MYO5B: variants seen among roughly 807,000 people sequenced by gnomAD.
MYO5B encodes unconventional myosin-Vb.
Under a neutral mutation model 229.3 loss-of-function variants are expected in MYO5B, and 143 were observed. The observed-to-expected ratio is 0.62, with a 90% CI of 0.54 to 0.72. MYO5B has a LOEUF of 0.72. MYO5B is among the 30% of genes least tolerant of loss of function. The pLI, the probability that MYO5B is intolerant of heterozygous loss-of-function variation, is 0.00. For synonymous variants in MYO5B, 918 were observed against 885.2 expected, an observed-to-expected ratio of 1.04 and a Z score of -0.66; for missense variants, 2,321 against 2,331.0, an observed-to-expected ratio of 1.00 and a Z score of 0.09.
chr18:49,965,437 A>G (rs1354098262), intron 10 of MYO5B, among the ~76,000 whole-genome samples: 1 of 142,880 alleles, frequency 7.0e-6, no homozygotes, highest in Non-Finnish European at 1.5e-5. Flanking sequence ...ACTTCTTTTC[A>G]TACAAACACA....
At chr18:49,843,472 A>C (rs1255607565) in intron 33 of MYO5B, 80 bp from the exon 34 acceptor site, 2 of 1,518,260 alleles carry the variant, frequency 1.3e-6, no homozygotes, top group African/African-American at 1.4e-5. Flanking sequence ...ATCTGAATAG[A>C]CGTGTTTTCA....
At chr18:50,165,448 C>A (rs1169794581) in intron 1 of MYO5B, among the ~76,000 whole-genome samples, 3 of 151,516 alleles carry the variant, frequency 2.0e-5, no homozygotes, top group African/African-American at 7.3e-5. Flanking sequence ...CCACTGCATT[C>A]CAGCCTGGGC....
chr18:50,007,479 C>A (rs76622186), intron 4 of MYO5B, among the ~76,000 whole-genome samples: 5,259 of 152,248 alleles, frequency 0.035, 126 homozygotes, highest in African/African-American at 0.061. Context: ...AAATGAACAT[C>A]GGACCATTCT....
At chr18:50,111,592 A>T (rs79333957) in intron 1 of MYO5B, among the ~76,000 whole-genome samples, 5,776 of 152,274 alleles carry the variant, frequency 0.038, 365 homozygotes, top group African/African-American at 0.13. Context: ...ATCTTCCTTA[A>T]GGGGTCAGTC....
At chr18:49,877,678 T>C in intron 25 of MYO5B, 85 bp downstream of exon 25, 1 of 1,583,870 alleles carries the variant, frequency 6.3e-7, no homozygotes, top group East Asian at 2.2e-5. Flanking sequence ...AGCAGAAGAG[T>C]AAATTTCTCT....
Position 49,864,180 on chromosome 18 carries a change from G to T in MYO5B, c.3804C>A (p.Ile1268=), listed in dbSNP as rs751424284. ...KEEVLILRTQ[I]VSADQRRLAG... The stretch of plus-strand genomic sequence containing the variant: ...CGAGTCGCCGCTGGTCGGCGCTCAC[G>T]ATCTGGGTCCTGAGGATGAGCACCT... The change falls in exon 28 of 40, where the codon ATC becomes ATA. Residue 1268 remains isoleucine, a synonymous_variant. Transcript: ENST00000285039. 6.2e-6 allele frequency: 10 copies of T among 1,612,298 alleles called. No individual in the cohort carries two copies. In the South Asian group the frequency reaches 9.9e-5, roughly 16 times the overall value.
chr18:50,175,838 G>C (rs1216522251), intron 1 of MYO5B, among the ~76,000 whole-genome samples: 1 of 152,246 alleles, frequency 6.6e-6, no homozygotes, highest in African/African-American at 2.4e-5. Flanking sequence ...TTCCACCACG[G>C]AGGGGTTGAG....
At chr18:50,052,909 G>T (rs1385761914) in intron 2 of MYO5B, among the ~76,000 whole-genome samples, 1 of 152,124 alleles carries the variant, frequency 6.6e-6, no homozygotes, top group Non-Finnish European at 1.5e-5. Context: ...TTGTCTTCCT[G>T]GAAGATAATC....
At chr18:50,185,848 T>C (rs968260013) in intron 1 of MYO5B, among the ~76,000 whole-genome samples, 12 of 112,196 alleles carry the variant, frequency 1.1e-4, no homozygotes, top group African/African-American at 3.9e-4. Flanking sequence ...ATGGCAAAAT[T>C]GCCTTTGTAG....
chr18:50,148,269 G>A (rs2032537607), intron 1 of MYO5B, among the ~76,000 whole-genome samples: 1 of 149,838 alleles, frequency 6.7e-6, no homozygotes, highest in East Asian at 2.0e-4. Context: ...GGAGGAACTG[G>A]TACCATTCCT....
intron 12 of MYO5B, among the ~76,000 whole-genome samples, chr18:49,959,049 C>A (rs758120847): frequency 6.6e-6 from 1 of 152,176 alleles, no homozygotes; most frequent in Non-Finnish European, 1.5e-5. Flanking sequence ...CCCTACTTTC[C>A]AACCTTACCT....
rs149270891 is a variant in MYO5B at position 49,929,748 on chromosome 18, C to G, written c.2004-150G>C. 5,298 of 736,766 alleles carry G rather than the reference C, an allele frequency of 7.2e-3. 38 individuals are homozygous for G. Among genetic ancestry groups the G allele is most frequent in the Middle Eastern group, 0.011 (33 of 2,936 alleles). The allele number at this position is 736,766 out of a possible 1,614,324, so 45.6% of individuals were successfully genotyped here. On this transcript the variant is annotated intron_variant, in intron 16 of 39. Coordinates refer to ENST00000285039, the MANE Select transcript of MYO5B (RefSeq NM_001080467.3). ...CACTGAGTTACCCTTGAGCTCAAGT[C>G]AGGGATTAGGCATAGACTAAAAGAC...
intron 20 of MYO5B, 45 bp from the exon 21 acceptor site, chr18:49,902,878 G>A: frequency 6.3e-7 from 1 of 1,592,686 alleles, no homozygotes; most frequent in Non-Finnish European, 8.5e-7. Context: ...TGCACTGCAG[G>A]ACAGGAGTGA....
chr18:50,063,578 GA>G (rs1398134359), intron 1 of MYO5B, among the ~76,000 whole-genome samples: 1 of 152,098 alleles, frequency 6.6e-6, no homozygotes, highest in Admixed American at 6.6e-5. Context: ...GGGGAGAGGA[GA>G]AAAAAGCAGA....
intron 8 of MYO5B, among the ~76,000 whole-genome samples, chr18:49,982,030 C>T (rs889744528): frequency 3.9e-5 from 6 of 152,110 alleles, no homozygotes; most frequent in African/African-American, 1.4e-4. Flanking sequence ...GTGCTGGTAC[C>T]ATCACGGAAC....
At chr18:49,891,624 C>A (rs2024715751) in intron 22 of MYO5B, among the ~76,000 whole-genome samples, 2 of 152,310 alleles carry the variant, frequency 1.3e-5, no homozygotes, top group South Asian at 4.1e-4. Flanking sequence ...AATCCTCAGC[C>A]TCCACATGAA....
At chr18:50,188,267 A>G (rs1387198868) in intron 1 of MYO5B, among the ~76,000 whole-genome samples, 1 of 152,054 alleles carries the variant, frequency 6.6e-6, no homozygotes, top group Non-Finnish European at 1.5e-5. Flanking sequence ...TTCAAATCCT[A>G]TTCATTCTTT....
intron 2 of MYO5B, among the ~76,000 whole-genome samples, chr18:50,043,492 TATATATAAATATAAATATATTTATAA>T (rs1568083490): frequency 5.6e-5 from 5 of 89,838 alleles, no homozygotes; most frequent in African/African-American, 1.3e-4. Flanking sequence ...AATATATTTT[TATATATAAATATAAATATATTTATAA>T]GTATATAAAT....
In MYO5B at chr18:49,879,004, C is replaced by A; in HGVS notation, c.3217G>T (p.Glu1073Ter). The A allele has an allele frequency of 6.2e-7, 1 of 1,613,946 alleles. No individual in the cohort carries two copies. The highest frequency in any genetic ancestry group is 1.1e-5 in the South Asian group (1 of 91,054). ...ERSRYQNLVK[E>*]YSQLEQRYDN... is the part of the protein sequence containing the mutation. ...TATCTCTGCTCCAACTGTGAATATT[C>A]CTTCACAAGGTTCTGGTACCGGGAT... The change falls in exon 24 of 40, where the codon GAA becomes TAA. Residue 1073 changes from glutamate (E) to a stop codon, truncating the protein, a stop_gained. Coordinates refer to ENST00000285039, the MANE Select transcript of MYO5B (RefSeq NM_001080467.3). LOFTEE classifies it high-confidence loss of function.
Sources: allele counts gnomAD v4.1 joint callset (sites outside exome capture counted in the v4.1 genomes callset), GRCh38; gene constraint gnomAD v4.1.1; transcripts MANE v1.5; gene names NCBI Gene and HGNC (gene_info 2026-07-23, HGNC 2026-07-21).